MYO1B: variants seen among roughly 807,000 people sequenced by gnomAD.
The protein encoded by MYO1B is myosin IB.
MYO1B carries 72 observed loss-of-function variants against 159.7 expected under a neutral mutation model. The observed-to-expected ratio is 0.45, with a 90% CI of 0.37 to 0.55. The LOEUF is 0.55. Among genes scored for constraint, MYO1B ranks in the 20% least tolerant of loss-of-function variants. The pLI is 0.00. For synonymous variants in MYO1B, 468 were observed against 473.8 expected (o/e 0.99, Z 0.16); for missense variants, 1,062 against 1,364.8 (o/e 0.78, Z 3.50).
intron 24 of MYO1B, among the ~76,000 whole-genome samples, chr2:191,404,037 G>T (rs139794906): frequency 6.6e-6 from 1 of 152,072 alleles, no homozygotes; most frequent in Admixed American, 6.5e-5. Context: ...CAAAACAGAG[G>T]TACTTTACTA....
intron 12 of MYO1B, 68 bp from the exon 13 acceptor site, chr2:191,370,159 G>T: frequency 1.0e-6 from 1 of 972,702 alleles, no homozygotes; most frequent in Non-Finnish European, 1.6e-6. Flanking sequence ...ATATATCTAT[G>T]TTCCTTGGAT....
At chr2:191,290,741 T>A (rs1328736452) in intron 2 of MYO1B, among the ~76,000 whole-genome samples, 2 of 152,230 alleles carry the variant, frequency 1.3e-5, no homozygotes, top group African/African-American at 4.8e-5. Context: ...ATACAGATGT[T>A]GCTGCAGTTT....
intron 23 of MYO1B, among the ~76,000 whole-genome samples, 156 bp downstream of exon 23, chr2:191,400,991 CAGT>C (rs1228764786): frequency 6.6e-6 from 1 of 152,162 alleles, no homozygotes; most frequent in Non-Finnish European, 1.5e-5. Context: ...AACATTAGTT[CAGT>C]AGTATGCATA....
At chr2:191,316,663 G>A (rs559426184) in intron 3 of MYO1B, among the ~76,000 whole-genome samples, 3 of 152,300 alleles carry the variant, frequency 2.0e-5, no homozygotes, top group African/African-American at 7.2e-5. Context: ...AATCTTTGGA[G>A]ACATGTGCCT....
chr2:191,250,031 A>T (rs1262485729), intron 1 of MYO1B, among the ~76,000 whole-genome samples: 2 of 152,226 alleles, frequency 1.3e-5, no homozygotes, highest in Non-Finnish European at 2.9e-5. Context: ...TTCATATTTT[A>T]TTAAGCACAC....
intron 7 of MYO1B, 187 bp downstream of exon 7, chr2:191,350,412 T>C (rs1029421455): frequency 3.2e-5 from 13 of 401,010 alleles, no homozygotes; most frequent in Admixed American, 1.7e-4. Context: ...TTTTTAAAGA[T>C]CACTTAACAT....
chr2:191,352,277 G>A (rs1399373423), intron 7 of MYO1B, among the ~76,000 whole-genome samples: 1 of 152,158 alleles, frequency 6.6e-6, no homozygotes, highest in Non-Finnish European at 1.5e-5. Flanking sequence ...ATATTCATGA[G>A]CCTTTAGTGC....
intron 2 of MYO1B, among the ~76,000 whole-genome samples, chr2:191,281,300 A>G (rs908943915): frequency 1.1e-4 from 16 of 152,146 alleles, no homozygotes; most frequent in African/African-American, 3.6e-4. Flanking sequence ...ATTCAGTTGG[A>G]GATGGAGGAG....
intron 26 of MYO1B, among the ~76,000 whole-genome samples, chr2:191,409,643 A>T (rs1004641857): frequency 6.6e-6 from 1 of 152,252 alleles, no homozygotes; most frequent in Non-Finnish European, 1.5e-5. Flanking sequence ...TGGGTGGGAA[A>T]AAAGGCTTTT....
chr2:191,362,991 C>T (rs1559202098), intron 9 of MYO1B, among the ~76,000 whole-genome samples: 1 of 152,204 alleles, frequency 6.6e-6, no homozygotes, highest in African/African-American at 2.4e-5. Flanking sequence ...AGTGAAAGGA[C>T]ATGCGGGTTC....
rs369311317 is a variant in MYO1B at position 191,329,919 on chromosome 2, C to G, written c.252-16C>G. 9 of 1,598,402 alleles carry G rather than the reference C, an allele frequency of 5.6e-6. No homozygotes were observed. The highest frequency in any genetic ancestry group is 6.8e-6 in the Non-Finnish European group (8 of 1,172,178). Reference sequence around the variant, plus strand: ...GATCTGAAGTCTAAGGAATTTTTTTCCATTATCCCCTGCAGCTTTGCCCTT... The same window carrying G: ...GATCTGAAGTCTAAGGAATTTTTTTGCATTATCCCCTGCAGCTTTGCCCTT... On this transcript the variant is annotated splice_polypyrimidine_tract_variant and intron_variant, in intron 3 of 30. Transcript: ENST00000392318.
In MYO1B at chr2:191,416,200, T is replaced by G. The variant is rs1697552251; in HGVS notation, c.3245T>G (p.Leu1082Arg). 6.2e-7 allele frequency: 1 copy of G among 1,614,026 alleles called. No individual in the cohort carries two copies. Among genetic ancestry groups the G allele is most frequent in the Non-Finnish European group, 8.5e-7 (1 of 1,180,034 alleles). The change falls in exon 30 of 31, where the codon CTC (leucine) becomes CGC (arginine). Residue 1082 changes from leucine (L) to arginine (R), a missense_variant. Leu to Arg is a moderately radical substitution (Grantham distance 102). Around this residue, in one of 5 missense-constraint regions of MYO1B, gnomAD observed 609 missense variants for 744.4 expected, o/e 0.82. Transcript: ENST00000392318. ...GCCACCAAGCTCTATCGCACAACTC[T>G]CAGCCAAACCAAACAGAAGCTCAAT... ...EMATKLYRTTLSQTKQKLNIE... is the reference protein window; with the variant it reads ...EMATKLYRTTRSQTKQKLNIE...
At chr2:191,268,596 G>C (rs1325466786) in intron 1 of MYO1B, among the ~76,000 whole-genome samples, 1 of 152,192 alleles carries the variant, frequency 6.6e-6, no homozygotes, top group Non-Finnish European at 1.5e-5. Context: ...AACCTCTCGA[G>C]GGCCTACAGC....
At position 191,393,112 on chromosome 2, in the gene MYO1B, G is replaced by A. The variant is rs751025189; in HGVS notation, c.2116G>A (p.Asp706Asn). ...AGACCTGAGGAAGCAACGCCTGGAG[G>A]ACTTGGCCACTCTCATTCAGAAGAT... ...LEDLRKQRLEDLATLIQKIYR... is the reference protein window; with the variant it reads ...LEDLRKQRLENLATLIQKIYR... The change falls in exon 20 of 31, where the codon GAC becomes AAC. Residue 706 changes from aspartate (D) to asparagine (N), a missense_variant. This residue lies in a region of MYO1B where 609 missense variants were observed against 744.4 expected (regional missense o/e 0.82). Transcript: ENST00000392318. 13 of 1,613,830 alleles carry A rather than the reference G, an allele frequency of 8.1e-6. 1 individual carries two copies. The South Asian group carries it at 1.4e-4, about 18-fold the overall frequency.
At chr2:191,383,918 G>A (rs1410011683) in intron 15 of MYO1B, among the ~76,000 whole-genome samples, 1 of 152,098 alleles carries the variant, frequency 6.6e-6, no homozygotes, top group African/African-American at 2.4e-5. Flanking sequence ...GACATAAAGG[G>A]ACAACCTCTG....
At chr2:191,285,435 C>A (rs987609199) in intron 2 of MYO1B, among the ~76,000 whole-genome samples, 9 of 152,182 alleles carry the variant, frequency 5.9e-5, no homozygotes. Context: ...GACAAACTTG[C>A]GGCCACCGTC....
intron 4 of MYO1B, among the ~76,000 whole-genome samples, chr2:191,339,289 G>T (rs898497651): frequency 1.3e-5 from 2 of 152,166 alleles, no homozygotes; most frequent in Admixed American, 1.3e-4. Context: ...TGGACTAGAG[G>T]GTAGAGGGCA....
At chr2:191,299,901 C>T (rs1273329547) in intron 3 of MYO1B, among the ~76,000 whole-genome samples, 1 of 152,112 alleles carries the variant, frequency 6.6e-6, no homozygotes, top group East Asian at 1.9e-4. Flanking sequence ...TGGAATCTGC[C>T]ATAACTCTGT....
At chr2:191,280,717 G>A (rs564416929) in intron 2 of MYO1B, among the ~76,000 whole-genome samples, 4 of 152,320 alleles carry the variant, frequency 2.6e-5, no homozygotes, top group African/African-American at 9.6e-5. Flanking sequence ...GAGGGGGTGG[G>A]TTCCCAACCA....
Sources: allele counts gnomAD v4.1 joint callset (sites outside exome capture counted in the v4.1 genomes callset), GRCh38; gene constraint gnomAD v4.1.1; regional missense constraint gnomAD v4.1.1; transcripts MANE v1.5; gene names NCBI Gene and HGNC (gene_info 2026-07-23, HGNC 2026-07-21).